Variants in DNAH9 observed in about 807,000 individuals in gnomAD.
The protein encoded by DNAH9 is DNAH9 variant protein.
In DNAH9, 345 loss-of-function variants were observed where a neutral mutation model predicts 471.6. The observed-to-expected ratio is 0.73, with a 90% CI of 0.67 to 0.80. The LOEUF is 0.80. Ranked by LOEUF, DNAH9 falls within the 30% of genes least tolerant of loss-of-function variation. DNAH9 has a pLI of 0.00. For missense variants in DNAH9, 5,407 were observed against 5,609.2 expected (o/e 0.96, Z 1.15); for synonymous variants, 2,093 against 2,123.6 (o/e 0.99, Z 0.40).
At chr17:11,661,490 T>C (rs536702622) in intron 14 of DNAH9, among the ~76,000 whole-genome samples, 1 of 152,322 alleles carries the variant, frequency 6.6e-6, no homozygotes, top group Admixed American at 6.5e-5. Context: ...GCTTCATTGC[T>C]TTCTTGTTCC....
intron 36 of DNAH9, among the ~76,000 whole-genome samples, chr17:11,768,167 C>G (rs1346895264): frequency 2.0e-5 from 3 of 152,186 alleles, no homozygotes; most frequent in African/African-American, 7.2e-5. Context: ...CACCTCCCTC[C>G]CTCAACCATC....
chr17:11,684,871 T>A (rs2074210852), intron 19 of DNAH9, among the ~76,000 whole-genome samples: 1 of 152,356 alleles, frequency 6.6e-6, no homozygotes. Flanking sequence ...CTTCCATAAC[T>A]GCAGAAAAGG....
At chr17:11,738,595 A>G (rs570963462) in intron 28 of DNAH9, among the ~76,000 whole-genome samples, 36 of 152,184 alleles carry the variant, frequency 2.4e-4, no homozygotes, top group African/African-American at 8.2e-4. Context: ...TGGCCAGGCT[A>G]GTCTTGAACT....
intron 1 of DNAH9, among the ~76,000 whole-genome samples, chr17:11,604,197 GT>G (rs1463314150): frequency 1.3e-5 from 2 of 151,820 alleles, no homozygotes; most frequent in Non-Finnish European, 2.9e-5. Context: ...TAATTTTTGT[GT>G]TTTTAGTAGA....
intron 38 of DNAH9, among the ~76,000 whole-genome samples, chr17:11,769,605 C>T (rs541523490): frequency 2.0e-4 from 30 of 152,212 alleles, no homozygotes; most frequent in Non-Finnish European, 3.4e-4. Context: ...CAGTTCAGCA[C>T]CTTGATGACA....
intron 19 of DNAH9, 79 bp downstream of exon 19, chr17:11,680,968 G>T: frequency 7.5e-7 from 1 of 1,330,516 alleles, no homozygotes; most frequent in Non-Finnish European, 1.0e-6. Context: ...TGTGGGGCGT[G>T]TGTATTCTTC....
intron 67 of DNAH9, among the ~76,000 whole-genome samples, chr17:11,943,553 T>C (rs955342305): frequency 6.6e-6 from 1 of 152,026 alleles, no homozygotes; most frequent in African/African-American, 2.4e-5. Context: ...GGTGTGCACC[T>C]GTAGTCCCAG....
chr17:11,738,767 G>T, intron 28 of DNAH9, 113 bp from the exon 29 acceptor site: 2 of 874,982 alleles, frequency 2.3e-6, no homozygotes, highest in East Asian at 4.9e-5. Context: ...TCAGTGAAAG[G>T]GTCCACAGGA....
intron 64 of DNAH9, 126 bp from the exon 65 acceptor site, chr17:11,933,754 C>T: frequency 3.6e-6 from 3 of 837,174 alleles, no homozygotes; most frequent in Non-Finnish European, 5.6e-6. Context: ...AAAAATAAGA[C>T]ATTGCTCTCA....
At chr17:11,909,259 C>T (rs911644973) in intron 61 of DNAH9, among the ~76,000 whole-genome samples, 1 of 152,114 alleles carries the variant, frequency 6.6e-6, no homozygotes, top group East Asian at 1.9e-4. Context: ...ACAAAAGGCT[C>T]ACCTGGGAAT....
At chr17:11,667,776 T>C (rs1251834756) in intron 15 of DNAH9, among the ~76,000 whole-genome samples, 1 of 152,168 alleles carries the variant, frequency 6.6e-6, no homozygotes, top group African/African-American at 2.4e-5. Flanking sequence ...CAGAGAAGGA[T>C]CACCTGCAGT....
intron 26 of DNAH9, among the ~76,000 whole-genome samples, chr17:11,715,471 A>G (rs2074942744): frequency 6.6e-6 from 1 of 152,184 alleles, no homozygotes; most frequent in Non-Finnish European, 1.5e-5. Flanking sequence ...CCTCACTGAA[A>G]GAAAAGACTA....
chr17:11,638,807 A>G (rs1343557339), intron 9 of DNAH9, among the ~76,000 whole-genome samples: 1 of 152,170 alleles, frequency 6.6e-6, no homozygotes, highest in Non-Finnish European at 1.5e-5. Context: ...GAGGCTCTAG[A>G]GGAAAAATCC....
chr17:11,796,177 C>T (rs894007927), intron 42 of DNAH9, among the ~76,000 whole-genome samples: 15 of 152,306 alleles, frequency 9.8e-5, no homozygotes, highest in African/African-American at 3.4e-4. Flanking sequence ...GTTCCTCCTC[C>T]GCTAGATGGT....
rs369380714 is a variant in DNAH9 at position 11,776,745 on chromosome 17, ATCT to A, written c.7553-4257_7553-4255del. 3.9e-4 allele frequency among the ~76,000 whole-genome samples: 59 copies of A among 152,324 alleles called. No homozygotes were observed. In the East Asian group the frequency reaches 7.5e-3, roughly 19 times the overall value. On this transcript the variant is annotated intron_variant, in intron 38 of 68. Transcript: ENST00000262442. ...CATCTGATATCTAGAGCATATGGAT[ATCT>A]TCTTCTGTGATAGTCAATATAATAG...
chr17:11,730,854 GGTA>G (rs2075248326), intron 28 of DNAH9, among the ~76,000 whole-genome samples: 1 of 151,940 alleles, frequency 6.6e-6, no homozygotes, highest in Non-Finnish European at 1.5e-5. Flanking sequence ...TGATGGCGGT[GGTA>G]GTGGTGGTGA....
intron 34 of DNAH9, 70 bp downstream of exon 34, chr17:11,756,746 T>A: frequency 1.0e-6 from 1 of 966,508 alleles, no homozygotes; most frequent in Non-Finnish European, 1.7e-6. Flanking sequence ...TCACACGTAG[T>A]TTTGCTGGCT....
chr17:11,909,532 CTGCCTCT>C (rs1380510505), intron 61 of DNAH9, among the ~76,000 whole-genome samples: 1 of 152,192 alleles, frequency 6.6e-6, no homozygotes, highest in East Asian at 1.9e-4. Context: ...TTGCTCCTTC[CTGCCTCT>C]TGACCAACCT....
At chr17:11,748,069 C>T (rs373655368) in intron 32 of DNAH9, among the ~76,000 whole-genome samples, 3 of 137,338 alleles carry the variant, frequency 2.2e-5, no homozygotes, top group Admixed American at 1.7e-4. Flanking sequence ...CTTTGGGAAG[C>T]GGAGGTGGGT....
Sources: gnomAD v4.1 joint callset for allele counts (sites outside exome capture counted in the v4.1 genomes callset) on GRCh38, gnomAD v4.1.1 for gene constraint, MANE v1.5 for transcripts, NCBI Gene and HGNC (gene_info 2026-07-23, HGNC 2026-07-21) for gene names.